Variants in CCDC6 observed in about 807,000 individuals in gnomAD.
CCDC6 encodes coiled-coil domain-containing protein 6.
In CCDC6, 20 loss-of-function variants were observed where a neutral mutation model predicts 56.6. That is an observed-to-expected ratio of 0.35 (90% CI 0.25 to 0.51). The LOEUF (loss-of-function observed/expected upper bound fraction) is 0.51, where lower values mean the gene tolerates loss of function less well. Ranked by LOEUF, CCDC6 falls within the 20% of genes least tolerant of loss-of-function variation. The pLI is 0.95. For missense variants in CCDC6, 367 were observed against 601.1 expected (o/e 0.61, Z 4.07); for synonymous variants, 241 against 234.4 (o/e 1.03, Z -0.26).
At chr10:59,812,820 C>A (rs1170471342) in intron 4 of CCDC6, 25 bp from the exon 5 acceptor site, 1 of 1,554,646 alleles carries the variant, frequency 6.4e-7, no homozygotes, top group Non-Finnish European at 8.8e-7. Context: ...AAAATTCCAA[C>A]AATGACTAAC....
At chr10:59,838,829 G>T (rs2070909253) in intron 2 of CCDC6, among the ~76,000 whole-genome samples, 1 of 152,064 alleles carries the variant, frequency 6.6e-6, no homozygotes, top group African/African-American at 2.4e-5. Flanking sequence ...TGCCTATAGG[G>T]TCTGAATCCC....
intron 7 of CCDC6, among the ~76,000 whole-genome samples, chr10:59,797,813 T>C (rs1252531182): frequency 6.6e-6 from 1 of 152,004 alleles, no homozygotes; most frequent in African/African-American, 2.4e-5. Flanking sequence ...GAACCTGGTA[T>C]TTAAGGAAGA....
intron 1 of CCDC6, among the ~76,000 whole-genome samples, chr10:59,873,443 A>G (rs1468964292): frequency 6.6e-6 from 1 of 152,168 alleles, no homozygotes. Context: ...AAACTAGAAG[A>G]ATCACAGAAG....
rs2071544233 is a variant in CCDC6, at chr10:59,906,133, T to C, written c.292A>G (p.Ser98Gly). 4 of 1,596,540 alleles carry C rather than the reference T, an allele frequency of 2.5e-6. No homozygotes were observed. Among genetic ancestry groups the C allele is most frequent in the Non-Finnish European group, 3.4e-6 (4 of 1,168,836 alleles). ...CGGGGGGCACTCACGATGGTCACGC[T>C]GGCTTTGCGCAGGTCGCGGTTCTCC... ...QEENRDLRKA[S>G]VTIQARAEQE... The change falls in exon 1 of 9, where the codon AGC becomes GGC. Residue 98 changes from serine to glycine, a missense_variant. Physicochemically the swap from Ser to Gly is moderately conservative, Grantham distance 56 (BLOSUM62 0). Around this residue, in one of 7 missense-constraint regions of CCDC6, gnomAD observed 41 missense variants for 90.8 expected, o/e 0.45. Transcript: ENST00000263102.
intron 7 of CCDC6, 110 bp downstream of exon 7, chr10:59,804,310 T>G: frequency 1.4e-6 from 1 of 696,452 alleles, no homozygotes; most frequent in Non-Finnish European, 2.6e-6. Flanking sequence ...AAAGACATGA[T>G]TATTATCCCT....
At chr10:59,834,412 C>T (rs1202982263) in intron 2 of CCDC6, among the ~76,000 whole-genome samples, 5 of 151,462 alleles carry the variant, frequency 3.3e-5, no homozygotes, top group Non-Finnish European at 7.4e-5. Flanking sequence ...TAAATAAGCC[C>T]GGTGTGGTGG....
At position 59,906,264 on chromosome 10, in the gene CCDC6, A is replaced by G. The variant is rs1051505290; in HGVS notation, c.161T>C (p.Phe54Ser). 3.1e-6 allele frequency: 5 copies of G among 1,612,384 alleles called. No individual in the cohort carries two copies. Among genetic ancestry groups the G allele is most frequent in the Non-Finnish European group, 4.2e-6 (5 of 1,179,792 alleles). The change falls in exon 1 of 9, where the codon TTC (phenylalanine) becomes TCC (serine). Residue 54 changes from phenylalanine to serine, a missense_variant. Around this residue, in one of 7 missense-constraint regions of CCDC6, gnomAD observed 41 missense variants for 90.8 expected, o/e 0.45. Coordinates refer to ENST00000263102, the MANE Select transcript of CCDC6 (RefSeq NM_005436.5). ...GKSGGIVISP[F>S]RLEELTNRLA... ...GCGGTTGGTGAGCTCCTCCAGGCGG[A>G]ACGGCGAGATGACAATGCCCCCCGA...
At chr10:59,883,440 A>G (rs1210830082) in intron 1 of CCDC6, among the ~76,000 whole-genome samples, 2 of 152,238 alleles carry the variant, frequency 1.3e-5, no homozygotes, top group East Asian at 3.8e-4. Context: ...ACTTGATACA[A>G]GAAGCAATGC....
At chr10:59,824,129 T>C (rs1291002895) in intron 3 of CCDC6, among the ~76,000 whole-genome samples, 2 of 152,202 alleles carry the variant, frequency 1.3e-5, no homozygotes, top group African/African-American at 4.8e-5. Flanking sequence ...ACTTACAAGA[T>C]GGAACACAGT....
At chr10:59,811,706 A>C (rs2070674279) in intron 5 of CCDC6, among the ~76,000 whole-genome samples, 1 of 152,122 alleles carries the variant, frequency 6.6e-6, no homozygotes, top group South Asian at 2.1e-4. Flanking sequence ...GCCCTGAGGA[A>C]CCCACAGATA....
intron 3 of CCDC6, among the ~76,000 whole-genome samples, chr10:59,820,386 A>G (rs558509149): frequency 6.6e-6 from 1 of 152,332 alleles, no homozygotes; most frequent in South Asian, 2.1e-4. Flanking sequence ...CATCATTACT[A>G]TGGGAAAATC....
At chr10:59,819,088 T>C (rs1167985783) in intron 3 of CCDC6, among the ~76,000 whole-genome samples, 1 of 152,204 alleles carries the variant, frequency 6.6e-6, no homozygotes. Flanking sequence ...ATATTTAATA[T>C]CAGAAGTATG....
Position 59,819,810 on chromosome 10 carries a change from G to A in CCDC6, c.583-5055C>T, listed in dbSNP as rs529965030. Among the ~76,000 whole-genome samples the A allele has an allele frequency of 4.6e-5, 7 of 152,150 alleles. No homozygotes were observed. In the South Asian group the frequency reaches 1.5e-3, roughly 32 times the overall value. On this transcript the variant is annotated intron_variant, in intron 3 of 8. Coordinates refer to ENST00000263102, the MANE Select transcript of CCDC6 (RefSeq NM_005436.5). ...TCCCTTACCAAACATCTAATTTTCAGGCTAACCCAAGCCCCGTACTGTGAT... is the reference window on the plus strand; with the variant it reads ...TCCCTTACCAAACATCTAATTTTCAAGCTAACCCAAGCCCCGTACTGTGAT...
intron 7 of CCDC6, among the ~76,000 whole-genome samples, chr10:59,797,500 G>A (rs1389050349): frequency 7.3e-6 from 1 of 137,232 alleles, no homozygotes; most frequent in Non-Finnish European, 1.5e-5. Context: ...AATATCAAAT[G>A]CAAGAAAACC....
chr10:59,849,833 A>G (rs1785710256), intron 2 of CCDC6, among the ~76,000 whole-genome samples: 1 of 152,198 alleles, frequency 6.6e-6, no homozygotes, highest in Non-Finnish European at 1.5e-5. Flanking sequence ...GTCTATTGGT[A>G]TCAATTACTC....
chr10:59,869,435 A>G (rs1254103969), intron 1 of CCDC6, among the ~76,000 whole-genome samples: 2 of 150,984 alleles, frequency 1.3e-5, no homozygotes, highest in African/African-American at 2.4e-5. Context: ...AAAAGAAAAA[A>G]AAAAAACAGA....
At chr10:59,866,757 C>T (rs1408868436) in intron 1 of CCDC6, among the ~76,000 whole-genome samples, 1 of 152,174 alleles carries the variant, frequency 6.6e-6, no homozygotes, top group East Asian at 1.9e-4. Context: ...GGTCTAAACT[C>T]AACAATCCAG....
At chr10:59,831,551 T>C (rs769758352) in intron 3 of CCDC6, among the ~76,000 whole-genome samples, 13 of 152,180 alleles carry the variant, frequency 8.5e-5, no homozygotes, top group Admixed American at 2.6e-4. Flanking sequence ...CAGACAACTT[T>C]AATGAGGCTT....
intron 8 of CCDC6, 52 bp from the exon 9 acceptor site, chr10:59,793,163 T>A: frequency 1.3e-6 from 2 of 1,487,950 alleles, no homozygotes; most frequent in Non-Finnish European, 1.9e-6. Flanking sequence ...TGGATCTCAT[T>A]CTACCTAACA....
Sources: allele counts gnomAD v4.1 joint callset (sites outside exome capture counted in the v4.1 genomes callset), GRCh38; gene constraint gnomAD v4.1.1; regional missense constraint gnomAD v4.1.1; transcripts MANE v1.5; gene names NCBI Gene and HGNC (gene_info 2026-07-23, HGNC 2026-07-21).